Variants in CHD1 observed in about 807,000 individuals in gnomAD.
CHD1 encodes chromodomain helicase DNA binding protein 1.
Under a neutral mutation model 224.2 loss-of-function variants are expected in CHD1, and 36 were observed. The ratio of observed to expected loss-of-function variants is 0.16; its 90% CI spans 0.12 to 0.21. The LOEUF (loss-of-function observed/expected upper bound fraction) is 0.21, where lower values mean the gene tolerates loss of function less well. CHD1 is among the 10% of genes least tolerant of loss of function. The probability of loss-of-function intolerance (pLI) is 1.00; values close to 1 mark genes in which losing one functional copy is unlikely to be tolerated. For synonymous variants in CHD1, 668 were observed against 658.3 expected (o/e 1.01, Z -0.23); for missense variants, 1,378 against 1,994.8 (o/e 0.69, Z 5.89).
intron 2 of CHD1, among the ~76,000 whole-genome samples, chr5:98,918,395 A>G (rs1037556434): frequency 1.3e-5 from 2 of 151,846 alleles, no homozygotes; most frequent in Non-Finnish European, 1.5e-5. Flanking sequence ...TCAGGTAAAG[A>G]ACTGCAAAGC....
intron 28 of CHD1, among the ~76,000 whole-genome samples, chr5:98,871,648 AAAGAT>A (rs1449376261): frequency 1.3e-5 from 2 of 152,080 alleles, no homozygotes; most frequent in Non-Finnish European, 2.9e-5. Flanking sequence ...AAATGTTCCT[AAAGAT>A]AAATATTTAA....
At chr5:98,865,732 C>A (rs1313314685) in intron 31 of CHD1, among the ~76,000 whole-genome samples, 1 of 152,118 alleles carries the variant, frequency 6.6e-6, no homozygotes, top group Non-Finnish European at 1.5e-5. Flanking sequence ...TAGAGCTATT[C>A]CCAAATACAA....
chr5:98,867,238 A>T (rs1332548704), intron 31 of CHD1, among the ~76,000 whole-genome samples: 1 of 152,214 alleles, frequency 6.6e-6, no homozygotes, highest in Non-Finnish European at 1.5e-5. Flanking sequence ...AAAGGCACAG[A>T]TAGTTTCTCC....
intron 25 of CHD1, 114 bp downstream of exon 25, chr5:98,874,958 T>C (rs1278356732): frequency 1.1e-5 from 7 of 630,150 alleles, no homozygotes; most frequent in African/African-American, 1.9e-5. Context: ...ATTTTGTAAA[T>C]GCCGATTAAA....
At chr5:98,912,106 C>A (rs1310324906) in intron 2 of CHD1, among the ~76,000 whole-genome samples, 1 of 151,996 alleles carries the variant, frequency 6.6e-6, no homozygotes, top group Non-Finnish European at 1.5e-5. Flanking sequence ...GGTGTGATTT[C>A]TGCAACCTAC....
chr5:98,859,030 C>T lies in CHD1; in HGVS notation c.4525-15G>A, dbSNP rs1348876141. On this transcript the variant is annotated splice_polypyrimidine_tract_variant and intron_variant, in intron 33 of 35. Transcript: ENST00000614616. ...TCACTGTTTTGCTAAAATAAATGCACACGTGTTAAGAATCTTTAGGTGACT... is the reference window on the plus strand; with the variant it reads ...TCACTGTTTTGCTAAAATAAATGCATACGTGTTAAGAATCTTTAGGTGACT... 4 of 1,563,564 alleles carry T rather than the reference C, an allele frequency of 2.6e-6. No homozygotes were observed. Among genetic ancestry groups the T allele is most frequent in the East Asian group, 2.4e-5 (1 of 42,428 alleles).
chr5:98,911,434 A>T (rs1183086031), intron 2 of CHD1, among the ~76,000 whole-genome samples: 3 of 152,042 alleles, frequency 2.0e-5, no homozygotes, highest in African/African-American at 7.2e-5. Flanking sequence ...ATCACAGAAA[A>T]TGCTGGTTTG....
chr5:98,879,523 T>C lies in CHD1; in HGVS notation c.3237+29A>G, dbSNP rs115112631. 1,476 of 1,568,414 alleles carry C rather than the reference T, an allele frequency of 9.4e-4. 15 individuals carry two copies. The African/African-American group carries it at 0.018, about 19-fold the overall frequency. ...GCCCAGGTTGAATACTCTTACTTTATAGAAATATCTTTAAAATTGCAAAAT... is the reference window on the plus strand; with the variant it reads ...GCCCAGGTTGAATACTCTTACTTTACAGAAATATCTTTAAAATTGCAAAAT... On this transcript the variant is annotated intron_variant, in intron 23 of 35. Transcript: ENST00000614616.
chr5:98,863,757 T>C (rs1748650401), intron 31 of CHD1, among the ~76,000 whole-genome samples, 171 bp from the exon 32 acceptor site: 1 of 152,186 alleles, frequency 6.6e-6, no homozygotes, highest in African/African-American at 2.4e-5. Flanking sequence ...TTCTTTCCCC[T>C]TTAGATTTTC....
At chr5:98,914,482 T>C (rs1192105947) in intron 2 of CHD1, among the ~76,000 whole-genome samples, 1 of 152,048 alleles carries the variant, frequency 6.6e-6, no homozygotes. Flanking sequence ...TAATGAGTAC[T>C]GAGCTAGAGT....
chr5:98,864,948 A>T (rs140690599), intron 31 of CHD1, among the ~76,000 whole-genome samples: 1 of 152,224 alleles, frequency 6.6e-6, no homozygotes, highest in Non-Finnish European at 1.5e-5. Flanking sequence ...AGATGCAGGA[A>T]ATAGAGCTGT....
At chr5:98,925,666 C>A (rs1753408008) in intron 2 of CHD1, among the ~76,000 whole-genome samples, 2 of 152,024 alleles carry the variant, frequency 1.3e-5, no homozygotes, top group Admixed American at 6.6e-5. Flanking sequence ...TTGACCCAAG[C>A]AAGAACTCTT....
Position 98,901,267 on chromosome 5 carries a change from T to C in CHD1, c.506A>G (p.Glu169Gly), listed in dbSNP as rs2112525513. 1 of 1,613,940 alleles carries C rather than the reference T, an allele frequency of 6.2e-7. No homozygotes were observed. The change falls in exon 6 of 36, where the codon GAG becomes GGG. Residue 169 changes from glutamate (E) to glycine (G), a missense_variant. Physicochemically the swap from Glu to Gly is moderately conservative, Grantham distance 98 (BLOSUM62 -2). This residue lies in a region of CHD1 where 306 missense variants were observed against 298.1 expected (regional missense o/e 1.03). Transcript: ENST00000614616. ...TTCATCACAACTGCTTTTCTCTCTC[T>C]CTTCTTCAGATTCTGAATCTGAACC... is the stretch of plus-strand genomic sequence containing the variant. ...QSGSDSESEEEREKSSCDETE... is the reference protein window; with the variant it reads ...QSGSDSESEEGREKSSCDETE...
chr5:98,884,917 C>T (rs1466240299), intron 18 of CHD1, among the ~76,000 whole-genome samples: 1 of 151,144 alleles, frequency 6.6e-6, no homozygotes, highest in African/African-American at 2.4e-5. Flanking sequence ...TTTTTTTGTA[C>T]AGACAGCAGT....
chr5:98,868,968 T>G (rs1580371484), intron 30 of CHD1: 1 of 786,678 alleles, frequency 1.3e-6, no homozygotes, highest in East Asian at 1.1e-4. Context: ...AATGTAAATA[T>G]GCTGATTGTT....
At chr5:98,860,703 A>C (rs1160485640) in intron 32 of CHD1, 1 of 153,046 alleles carries the variant, frequency 6.5e-6, no homozygotes, top group Non-Finnish European at 1.5e-5. Flanking sequence ...TGTAATTGTC[A>C]AATATACCTC....
At position 98,871,974 on chromosome 5, in the gene CHD1, A is replaced by G. The variant is rs1462509173; in HGVS notation, c.3861+77T>C. 3.7e-6 allele frequency: 5 copies of G among 1,335,378 alleles called. No homozygotes were observed. In the Admixed American group the frequency reaches 9.0e-5, roughly 24 times the overall value. The allele number at this position is 1,335,378 out of a possible 1,614,324, so 82.7% of individuals were successfully genotyped here. A position where few individuals can be genotyped will look rare whatever the true frequency, so the allele number is the denominator to read the frequency against. ...TGGTTTCCAGATTTCCATTATTTCC[A>G]ACATAATTTAAAAGCAAGAATTAGA... On this transcript the variant is annotated intron_variant, in intron 28 of 35. Coordinates refer to ENST00000614616, the MANE Select transcript of CHD1 (RefSeq NM_001270.4).
At chr5:98,923,260 G>A (rs1753225921) in intron 2 of CHD1, among the ~76,000 whole-genome samples, 1 of 152,144 alleles carries the variant, frequency 6.6e-6, no homozygotes, top group Admixed American at 6.5e-5. Context: ...CAAGGCAGTT[G>A]TAAAAACTAG....
At chr5:98,905,690 T>TTA (rs1346101997) in intron 2 of CHD1, among the ~76,000 whole-genome samples, 2 of 152,216 alleles carry the variant, frequency 1.3e-5, no homozygotes, top group Non-Finnish European at 1.5e-5. Context: ...AGAAAATCAC[T>TTA]TATTAATAAG....
Sources: allele counts gnomAD v4.1 joint callset (sites outside exome capture counted in the v4.1 genomes callset), GRCh38; gene constraint gnomAD v4.1.1; regional missense constraint gnomAD v4.1.1; transcripts MANE v1.5; gene names NCBI Gene and HGNC (gene_info 2026-07-23, HGNC 2026-07-21).